Variants in MGMT observed in about 807,000 individuals in gnomAD.
MGMT encodes methylated-DNA--protein-cysteine methyltransferase.
A neutral mutation model predicts 15.9 loss-of-function variants in MGMT; 14 were observed. The observed-to-expected ratio is 0.88, with a 90% CI of 0.58 to 1.37. The LOEUF is 1.37. MGMT is among the 40% of genes most tolerant of loss of function. The pLI, the probability that MGMT is intolerant of heterozygous loss-of-function variation, is 0.00. For missense variants in MGMT, 282 were observed against 268.1 expected (o/e 1.05, Z -0.36); for synonymous variants, 130 against 118.2 (o/e 1.10, Z -0.65).
chr10:129,759,131 TA>T, intron 3 of MGMT, 70 bp from the exon 4 acceptor site: 1 of 1,580,138 alleles, frequency 6.3e-7, no homozygotes, highest in African/African-American at 1.3e-5. Context: ...GTTTTGGGAC[TA>T]GTGGCTATTT....
At chr10:129,522,841 T>C (rs1845828490) in intron 1 of MGMT, among the ~76,000 whole-genome samples, 1 of 152,348 alleles carries the variant, frequency 6.6e-6, no homozygotes, top group East Asian at 1.9e-4. Flanking sequence ...CCCCGGCACC[T>C]GCTCGGGGCA....
chr10:129,491,244 G>A (rs893900337), intron 1 of MGMT, among the ~76,000 whole-genome samples: 6 of 152,020 alleles, frequency 3.9e-5, no homozygotes, highest in African/African-American at 1.4e-4. Context: ...TGTTGAGTTA[G>A]CAATTCTTTA....
intron 2 of MGMT, among the ~76,000 whole-genome samples, chr10:129,550,201 T>C (rs935878249): frequency 2.6e-5 from 4 of 152,138 alleles, no homozygotes; most frequent in Admixed American, 1.3e-4. Flanking sequence ...GCAGCAACTT[T>C]AGGGGGTTCA....
chr10:129,567,088 G>T (rs1287232893), intron 2 of MGMT, among the ~76,000 whole-genome samples: 2 of 152,120 alleles, frequency 1.3e-5, no homozygotes, highest in Non-Finnish European at 2.9e-5. Context: ...CCGGAAAAGG[G>T]ATCCTTAGAG....
chr10:129,756,508 C>T (rs1033154410), intron 3 of MGMT, among the ~76,000 whole-genome samples: 16 of 152,154 alleles, frequency 1.1e-4, no homozygotes, highest in Non-Finnish European at 1.6e-4. Context: ...CTCGCTCTGT[C>T]GCCCAGGCTG....
intron 3 of MGMT, among the ~76,000 whole-genome samples, chr10:129,734,915 T>G (rs1848542858): frequency 2.0e-5 from 3 of 152,260 alleles, no homozygotes; most frequent in Admixed American, 2.0e-4. Context: ...TGAAGCCCAC[T>G]TGATCATGGT....
chr10:129,695,227 A>G (rs1001050189), intron 2 of MGMT, among the ~76,000 whole-genome samples: 14 of 152,340 alleles, frequency 9.2e-5, no homozygotes, highest in African/African-American at 3.1e-4. Context: ...TGCAGCAATC[A>G]ACAGGAAAAA....
intron 2 of MGMT, among the ~76,000 whole-genome samples, chr10:129,653,024 C>T (rs534667238): frequency 5.3e-5 from 8 of 152,318 alleles, no homozygotes; most frequent in African/African-American, 1.4e-4. Flanking sequence ...CGGGATCCCT[C>T]CAGGGTTGGC....
intron 2 of MGMT, among the ~76,000 whole-genome samples, chr10:129,662,035 C>T (rs910416355): frequency 6.6e-6 from 1 of 152,124 alleles, no homozygotes; most frequent in Non-Finnish European, 1.5e-5. Context: ...GCCAGCTCTT[C>T]CCTGATAGTA....
At chr10:129,493,923 A>G (rs1184621992) in intron 1 of MGMT, among the ~76,000 whole-genome samples, 1 of 152,126 alleles carries the variant, frequency 6.6e-6, no homozygotes, top group Admixed American at 6.5e-5. Flanking sequence ...TGGGATCATC[A>G]CAGTTGTGTG....
chr10:129,593,922 C>G (rs1321268436), intron 2 of MGMT, among the ~76,000 whole-genome samples: 4 of 152,206 alleles, frequency 2.6e-5, no homozygotes, highest in African/African-American at 4.8e-5. Context: ...ATGCAGAGGT[C>G]TCTGGGCAGG....
Position 129,659,994 on chromosome 10 carries a change from C to T in MGMT, c.126-47901C>T, listed in dbSNP as rs367671230. 1.3e-5 allele frequency among the ~76,000 whole-genome samples: 2 copies of T among 152,276 alleles called. No homozygotes were observed. The highest frequency in any genetic ancestry group is 2.1e-4 in the South Asian group (1 of 4,822). ...CATCACCCGTGCAGTGAAGGATTTG[C>T]GTGGTCTTTGGTGCTTTTCTTCTAA... On this transcript the variant is annotated intron_variant, in intron 2 of 4. Coordinates refer to ENST00000651593, the MANE Select transcript of MGMT (RefSeq NM_002412.5). The surrounding 1 kb of genome is among the most constrained non-coding windows in gnomAD (Gnocchi z 4.1).
rs577819807 is a variant in MGMT, at chr10:129,749,602, G to A, written c.275-9600G>A. Among the ~76,000 whole-genome samples, 174 of 152,268 alleles carry A rather than the reference G, an allele frequency of 1.1e-3. 2 individuals are homozygous for A. The highest frequency in any genetic ancestry group is 4.0e-3 in the African/African-American group (166 of 41,562). ...TAAACATTCACAGGCAGGTTTTTGTGAGGATGTCAGTTTTCAAATCAGTAG... is the reference window on the plus strand; with the variant it reads ...TAAACATTCACAGGCAGGTTTTTGTAAGGATGTCAGTTTTCAAATCAGTAG... On this transcript the variant is annotated intron_variant, in intron 3 of 4. Transcript: ENST00000651593.
chr10:129,576,937 T>C (rs1407762212), intron 2 of MGMT, among the ~76,000 whole-genome samples: 5 of 152,196 alleles, frequency 3.3e-5, no homozygotes, highest in Admixed American at 6.5e-5. Flanking sequence ...CATTCACAGT[T>C]GCTTCAAAGA....
intron 2 of MGMT, among the ~76,000 whole-genome samples, chr10:129,540,348 T>C (rs546760935): frequency 6.6e-6 from 1 of 152,306 alleles, no homozygotes; most frequent in East Asian, 1.9e-4. Flanking sequence ...GCTTCTTCCT[T>C]TCTGATTGTT....
At position 129,582,858 on chromosome 10, in the gene MGMT, C is replaced by G. The variant is rs1846572966; in HGVS notation, c.125+46481C>G. On this transcript the variant is annotated intron_variant, in intron 2 of 4. Coordinates refer to ENST00000651593, the MANE Select transcript of MGMT (RefSeq NM_002412.5). ...TCATATTGACTGCAGGCCCTGTGGACAGAAAGAATTATTTCTTTTTTAGAG... is the reference window on the plus strand; with the variant it reads ...TCATATTGACTGCAGGCCCTGTGGAGAGAAAGAATTATTTCTTTTTTAGAG... Among the ~76,000 whole-genome samples, 4 of 152,092 alleles carry G rather than the reference C, an allele frequency of 2.6e-5. No homozygotes were observed. In the South Asian group the frequency reaches 8.3e-4, roughly 32 times the overall value.
chr10:129,591,691 G>A (rs865836395), intron 2 of MGMT, among the ~76,000 whole-genome samples: 2 of 152,178 alleles, frequency 1.3e-5, no homozygotes, highest in Non-Finnish European at 2.9e-5. Flanking sequence ...CAGCACTTTG[G>A]GAGGCCGAGG....
intron 2 of MGMT, among the ~76,000 whole-genome samples, chr10:129,680,790 C>T (rs1847843266): frequency 6.6e-6 from 1 of 152,226 alleles, no homozygotes; most frequent in African/African-American, 2.4e-5. Flanking sequence ...CCCCGTGTGC[C>T]TGTGGCCCCT....
chr10:129,723,900 C>G (rs1014370646), intron 3 of MGMT, among the ~76,000 whole-genome samples: 1 of 152,188 alleles, frequency 6.6e-6, no homozygotes, highest in Non-Finnish European at 1.5e-5. Context: ...ACTGCCGCAG[C>G]CTCGCCTCTC....
Sources: allele counts gnomAD v4.1 joint callset (sites outside exome capture counted in the v4.1 genomes callset), GRCh38; gene constraint gnomAD v4.1.1; non-coding constraint Gnocchi (gnomAD v3.1); transcripts MANE v1.5; gene names NCBI Gene and HGNC (gene_info 2026-07-23, HGNC 2026-07-21).